HHLA1: variants seen among roughly 807,000 people sequenced by gnomAD.
The protein encoded by HHLA1 is HERV-H LTR-associating protein 1.
Under a neutral mutation model 69.9 loss-of-function variants are expected in HHLA1, and 72 were observed. The ratio of observed to expected loss-of-function variants is 1.03; its 90% CI spans 0.85 to 1.25. HHLA1 has a LOEUF of 1.25. HHLA1 is among the 50% of genes most tolerant of loss of function. The pLI, the probability that HHLA1 is intolerant of heterozygous loss-of-function variation, is 0.00. For missense variants in HHLA1, 685 were observed against 642.2 expected (o/e 1.07, Z -0.72); for synonymous variants, 252 against 233.2 (o/e 1.08, Z -0.73).
At chr8:132,070,491 C>T (rs189402021) in intron 15 of HHLA1, 166 of 648,908 alleles carry the variant, frequency 2.6e-4, no homozygotes, top group Non-Finnish European at 4.1e-4. Context: ...GATCCTCTGC[C>T]ATAATTCTAC....
At chr8:132,093,899 T>C (rs1441620892) in intron 7 of HHLA1, among the ~76,000 whole-genome samples, 2 of 152,244 alleles carry the variant, frequency 1.3e-5, no homozygotes, top group South Asian at 2.1e-4. Context: ...CATAAGATAA[T>C]AGACATTAAG....
In HHLA1 at chr8:132,063,784, C is replaced by G. The variant is rs1055606128; in HGVS notation, c.*211G>C. The G allele has an allele frequency of 4.8e-6, 1 of 210,470 alleles. No homozygotes were observed. Among genetic ancestry groups the G allele is most frequent in the Non-Finnish European group, 1.0e-5 (1 of 97,056 alleles). The allele number at this position is 210,470 out of a possible 1,614,324, so 13.0% of individuals were successfully genotyped here. A position where few individuals can be genotyped will look rare whatever the true frequency, so the allele number is the denominator to read the frequency against. ...CATTACTGTATTAATTGTGAGGCCT[C>G]TAACAAGAAAACTTCTACCTTCAAT... is the stretch of plus-strand genomic sequence containing the variant. On this transcript the variant is annotated 3_prime_UTR_variant, in exon 17 of 17. Transcript: ENST00000414222.
chr8:132,102,983 T>C (rs1248894317), intron 3 of HHLA1, among the ~76,000 whole-genome samples: 2 of 152,220 alleles, frequency 1.3e-5, no homozygotes, highest in East Asian at 1.9e-4. Flanking sequence ...TACAAAAAGA[T>C]ATTTTTCTAT....
Position 132,071,423 on chromosome 8 carries a change from G to A in HHLA1, c.1386C>T (p.Leu462=). The A allele has an allele frequency of 6.4e-7, 1 of 1,551,662 alleles. No homozygotes were observed. Among genetic ancestry groups the A allele is most frequent in the Non-Finnish European group, 8.7e-7 (1 of 1,146,934 alleles). ...AAPLTLAIQR[L]NPCLMELCQF... is the part of the protein sequence containing the mutation. ...GGCACAGCTCCATCAGGCATGGGTTGAGCCTCTGAATAGCCAGGGTGAGAG... is the reference window on the plus strand; with the variant it reads ...GGCACAGCTCCATCAGGCATGGGTTAAGCCTCTGAATAGCCAGGGTGAGAG... The change falls in exon 15 of 17, where the codon CTC becomes CTT. Residue 462 remains leucine (L), a synonymous_variant. Transcript: ENST00000414222.
rs1273314880 is a variant in HHLA1 at position 132,095,609 on chromosome 8, A to G, written c.365-7T>C. 1.9e-6 allele frequency: 3 copies of G among 1,541,562 alleles called. No individual in the cohort carries two copies. The highest frequency in any genetic ancestry group is 3.9e-5 in the Admixed American group (2 of 50,970). ...ACTGTCTTCAGGTTAGAAACTGTGA[A>G]GAGAAAGGATTCAACAGAGATCCTA... is the stretch of plus-strand genomic sequence containing the variant. On this transcript the variant is annotated splice_region_variant and splice_polypyrimidine_tract_variant and intron_variant, in intron 6 of 16. Transcript: ENST00000414222.
At chr8:132,074,476 C>T (rs1490993820) in intron 14 of HHLA1, among the ~76,000 whole-genome samples, 1 of 152,148 alleles carries the variant, frequency 6.6e-6, no homozygotes, top group Admixed American at 6.5e-5. Context: ...GATATTACCT[C>T]TCCTGCAGAA....
chr8:132,074,586 A>G (rs2130879503), intron 14 of HHLA1, among the ~76,000 whole-genome samples: 1 of 152,102 alleles, frequency 6.6e-6, no homozygotes, highest in South Asian at 2.1e-4. Context: ...GTGGATGCCA[A>G]ATACTTTGTG....
chr8:132,078,318 T>C (rs1823683269), intron 11 of HHLA1, among the ~76,000 whole-genome samples: 1 of 152,100 alleles, frequency 6.6e-6, no homozygotes. Flanking sequence ...GAAAAGATTG[T>C]GGGGTCTGAG....
At position 132,111,083 on chromosome 8, in the gene HHLA1, C is replaced by T. The variant is rs966735400; in HGVS notation, c.-22+19G>A. The T allele has an allele frequency of 1.3e-5, 2 of 152,096 alleles. No individual in the cohort carries two copies. The highest frequency in any genetic ancestry group is 4.8e-5 in the African/African-American group (2 of 41,406). The allele number at this position is 152,096 out of a possible 1,614,324, so 9.4% of individuals were successfully genotyped here. Reference sequence around the variant, plus strand: ...GAGGAACCAAAAGAGTTTTAAAATACCTACCATATACTACTTACCTATCTT... The same window carrying T: ...GAGGAACCAAAAGAGTTTTAAAATATCTACCATATACTACTTACCTATCTT... On this transcript the variant is annotated intron_variant, in intron 1 of 16. Coordinates refer to ENST00000414222, the MANE Select transcript of HHLA1 (RefSeq NM_001145095.3).
At chr8:132,109,100 T>G (rs1824254703) in intron 1 of HHLA1, among the ~76,000 whole-genome samples, 1 of 152,176 alleles carries the variant, frequency 6.6e-6, no homozygotes, top group Non-Finnish European at 1.5e-5. Flanking sequence ...CTCCGCCTCC[T>G]GGGTTCAAGC....
chr8:132,074,664 T>C (rs1823604084), intron 14 of HHLA1, among the ~76,000 whole-genome samples: 2 of 152,138 alleles, frequency 1.3e-5, no homozygotes, highest in African/African-American at 2.4e-5. Flanking sequence ...TAATTTGCAA[T>C]TATGTTTTTC....
intron 13 of HHLA1, 56 bp downstream of exon 13, chr8:132,076,419 T>TGCCCCCCCCCCCC: frequency 1.7e-6 from 1 of 596,564 alleles, no homozygotes. Context: ...TCCCCAAGCT[T>TGCCCCCCCCCCCC]CCCACCCCTC....
At chr8:132,081,644 C>T (rs1823754273) in intron 10 of HHLA1, among the ~76,000 whole-genome samples, 1 of 152,140 alleles carries the variant, frequency 6.6e-6, no homozygotes, top group Non-Finnish European at 1.5e-5. Context: ...GTGGCCTTCT[C>T]AGACCCTGTA....
intron 1 of HHLA1, among the ~76,000 whole-genome samples, chr8:132,105,912 T>G (rs1254047549): frequency 1.3e-5 from 2 of 152,232 alleles, no homozygotes; most frequent in African/African-American, 4.8e-5. Context: ...GTCTCTTTCC[T>G]TCTCTGCAGC....
At chr8:132,084,316 C>T (rs1297004937) in intron 10 of HHLA1, among the ~76,000 whole-genome samples, 1 of 151,908 alleles carries the variant, frequency 6.6e-6, no homozygotes, top group Non-Finnish European at 1.5e-5. Context: ...AGGGAGAGGT[C>T]AGATGGGTCT....
intron 15 of HHLA1, among the ~76,000 whole-genome samples, chr8:132,066,286 A>T (rs1254028998): frequency 6.6e-6 from 1 of 152,150 alleles, no homozygotes; most frequent in Non-Finnish European, 1.5e-5. Flanking sequence ...CAATAATGGA[A>T]CCTATACTCG....
rs758618616 is a variant in HHLA1, at chr8:132,100,166, G to C, written c.140-32C>G. The C allele has an allele frequency of 4.1e-6, 6 of 1,479,096 alleles. No individual in the cohort carries two copies. The South Asian group carries it at 7.3e-5, about 18-fold the overall frequency. 91.6% of individuals were successfully genotyped at this position (1,479,096 alleles called of 1,614,324 possible). On this transcript the variant is annotated intron_variant, in intron 3 of 16. Coordinates refer to ENST00000414222, the MANE Select transcript of HHLA1 (RefSeq NM_001145095.3). ...AGGAGACAGTTTTCATGAGAAAAAT[G>C]TGAGTGGTCCAGTTCCTACCCCCAG... is the stretch of plus-strand genomic sequence containing the variant.
In HHLA1 at chr8:132,110,947, T is replaced by C. The variant is rs544919558; in HGVS notation, c.-22+155A>G. 3.3e-5 allele frequency: 5 copies of C among 152,258 alleles called. No homozygotes were observed. In the East Asian group the frequency reaches 9.7e-4, roughly 29 times the overall value. 9.4% of individuals were successfully genotyped at this position (152,258 alleles called of 1,614,324 possible). A position where few individuals can be genotyped will look rare whatever the true frequency, so the allele number is the denominator to read the frequency against. On this transcript the variant is annotated intron_variant, in intron 1 of 16. Transcript: ENST00000414222. ...GGGATGGAGTCTTAGCTAAATGCAA[T>C]GTAGATATTGGATGATAGAAACTGC... is the stretch of plus-strand genomic sequence containing the variant.
intron 3 of HHLA1, chr8:132,101,353 C>G: frequency 6.7e-7 from 1 of 1,495,668 alleles, no homozygotes; most frequent in Admixed American, 2.3e-5. Context: ...TAGAAATCAT[C>G]TTGTCCAACA....
Sources: gnomAD v4.1 joint callset for allele counts (sites outside exome capture counted in the v4.1 genomes callset) on GRCh38, gnomAD v4.1.1 for gene constraint, MANE v1.5 for transcripts, NCBI Gene and HGNC (gene_info 2026-07-23, HGNC 2026-07-21) for gene names.